Variants in ZNF536 observed in about 807,000 individuals in gnomAD.
ZNF536 encodes zinc finger protein 536.
Under a neutral mutation model 84.5 loss-of-function variants are expected in ZNF536, and 13 were observed. The observed-to-expected ratio is 0.15, with a 90% CI of 0.10 to 0.24. The LOEUF (loss-of-function observed/expected upper bound fraction) is 0.24, where lower values mean the gene tolerates loss of function less well. ZNF536 is among the 10% of genes least tolerant of loss of function. The probability of loss-of-function intolerance (pLI) is 1.00; values close to 1 mark genes in which losing one functional copy is unlikely to be tolerated. For synonymous variants in ZNF536, 811 were observed against 742.5 expected, an observed-to-expected ratio of 1.09 and a Z score of -1.50; for missense variants, 1,536 against 1,747.5, an observed-to-expected ratio of 0.88 and a Z score of 2.16.
chr19:30,483,845 G>C (rs2054187128), intron 2 of ZNF536, among the ~76,000 whole-genome samples: 1 of 152,124 alleles, frequency 6.6e-6, no homozygotes, highest in African/African-American at 2.4e-5. Flanking sequence ...CACCTCTGCA[G>C]CTGTGCCTCT....
intron 1 of ZNF536, among the ~76,000 whole-genome samples, chr19:30,598,963 CCTTCCCT>C (rs2047565789): frequency 1.7e-5 from 1 of 57,844 alleles, no homozygotes; most frequent in Non-Finnish European, 4.9e-5. Flanking sequence ...CTTCCTTCCT[CCTTCCCT>C]CCTTCCCTCC....
chr19:30,662,398 T>C (rs1413444611), intron 1 of ZNF536, among the ~76,000 whole-genome samples: 4 of 152,228 alleles, frequency 2.6e-5, no homozygotes, highest in Non-Finnish European at 5.9e-5. Context: ...GATCTCATTA[T>C]GTTACATTGT....
At chr19:30,293,891 A>G (rs1018895208) in intron 2 of ZNF536, among the ~76,000 whole-genome samples, 3 of 152,218 alleles carry the variant, frequency 2.0e-5, no homozygotes, top group Admixed American at 1.3e-4. Context: ...GAGAAGAGGC[A>G]GGAGAAGTAT....
chr19:30,446,248 CAAAAAAAAAAAA>C (rs1177505634), intron 2 of ZNF536, among the ~76,000 whole-genome samples: 6 of 29,178 alleles, frequency 2.1e-4, no homozygotes, highest in Non-Finnish European at 2.8e-4. Flanking sequence ...GACACTGTCT[CAAAAAAAAAAAA>C]AAAAAAAAAA....
intron 1 of ZNF536, among the ~76,000 whole-genome samples, chr19:30,403,086 G>A (rs115286249): frequency 8.8e-4 from 134 of 152,116 alleles, no homozygotes; most frequent in African/African-American, 2.9e-3. Context: ...GATGCTTTGC[G>A]GAGGAGAACA....
chr19:30,287,497 A>G (rs1488629512), intron 2 of ZNF536, among the ~76,000 whole-genome samples: 3 of 135,652 alleles, frequency 2.2e-5, no homozygotes, highest in South Asian at 2.5e-4. Context: ...TGGATGGATG[A>G]ATAGATGGGT....
exon 2 of ZNF536, chr19:30,711,572 C>G (rs556064147): frequency 1.3e-5 from 2 of 152,192 alleles, no homozygotes; most frequent in Non-Finnish European, 2.9e-5. Context: ...AAACCTTAGA[C>G]GGCCCGCAGC....
chr19:30,287,695 T>A (rs1351035270), intron 2 of ZNF536, among the ~76,000 whole-genome samples: 1 of 140,786 alleles, frequency 7.1e-6, no homozygotes, highest in Non-Finnish European at 1.5e-5. Context: ...GATGGATGGA[T>A]GGATGGATGG....
At chr19:30,456,720 G>A (rs2052864360) in intron 2 of ZNF536, among the ~76,000 whole-genome samples, 2 of 152,216 alleles carry the variant, frequency 1.3e-5, no homozygotes, top group South Asian at 4.2e-4. Context: ...TCTGAACACT[G>A]AGCAAGGCAT....
At chr19:30,271,286 G>GTTTT (rs1297604816) in intron 1 of ZNF536, among the ~76,000 whole-genome samples, 8 of 83,802 alleles carry the variant, frequency 9.5e-5, no homozygotes, top group African/African-American at 4.7e-4. Flanking sequence ...CTTTCCCTGT[G>GTTTT]TTTTTTTCTT....
chr19:30,483,869 C>G (rs958898291), intron 2 of ZNF536, among the ~76,000 whole-genome samples: 1 of 152,108 alleles, frequency 6.6e-6, no homozygotes, highest in Non-Finnish European at 1.5e-5. Context: ...TCCCCACAGT[C>G]TTTGTTCTGG....
intron 1 of ZNF536, among the ~76,000 whole-genome samples, chr19:30,570,376 G>A (rs760253280): frequency 8.5e-5 from 13 of 152,198 alleles, no homozygotes; most frequent in African/African-American, 1.2e-4. Context: ...AAACTGGCAC[G>A]TGGGGTACGG....
At chr19:30,264,575 T>G (rs2025400947) in intron 1 of ZNF536, among the ~76,000 whole-genome samples, 1 of 152,116 alleles carries the variant, frequency 6.6e-6, no homozygotes, top group South Asian at 2.1e-4. Flanking sequence ...AAGGGGTGAA[T>G]GGTAATTTGC....
chr19:30,408,218 C>T (rs897381412), intron 1 of ZNF536, among the ~76,000 whole-genome samples: 1 of 152,154 alleles, frequency 6.6e-6, no homozygotes, highest in South Asian at 2.1e-4. Flanking sequence ...TGATTGAATC[C>T]AGGCCATTAT....
At chr19:30,531,852 T>C (rs1447407847) in intron 2 of ZNF536, among the ~76,000 whole-genome samples, 1 of 151,976 alleles carries the variant, frequency 6.6e-6, no homozygotes, top group Non-Finnish European at 1.5e-5. Flanking sequence ...CTGGAACTCC[T>C]GACCTCAAGT....
At chr19:30,659,979 GTGTT>G (rs1386522492) in intron 1 of ZNF536, among the ~76,000 whole-genome samples, 25 of 144,722 alleles carry the variant, frequency 1.7e-4, no homozygotes, top group African/African-American at 5.8e-4. Flanking sequence ...GTGTGTGTGT[GTGTT>G]TGTATGTGTT....
chr19:30,460,118 A>T (rs1330306160), intron 2 of ZNF536, among the ~76,000 whole-genome samples: 1 of 152,246 alleles, frequency 6.6e-6, no homozygotes, highest in African/African-American at 2.4e-5. Flanking sequence ...GAGGTCTAGC[A>T]ATGATCTTCT....
intron 1 of ZNF536, among the ~76,000 whole-genome samples, chr19:30,388,520 C>A (rs1414387419): frequency 6.6e-6 from 1 of 152,120 alleles, no homozygotes; most frequent in African/African-American, 2.4e-5. Context: ...GGTGGCCATG[C>A]CCGGGGCTTG....
chr19:30,397,440 G>A (rs959142153), intron 1 of ZNF536, among the ~76,000 whole-genome samples: 2 of 152,212 alleles, frequency 1.3e-5, no homozygotes, highest in Admixed American at 1.3e-4. Flanking sequence ...TTAGTTTCCT[G>A]GCTGTGATGC....
Sources: gnomAD v4.1 joint callset for allele counts (sites outside exome capture counted in the v4.1 genomes callset) on GRCh38, gnomAD v4.1.1 for gene constraint, MANE v1.5 for transcripts, NCBI Gene and HGNC (gene_info 2026-07-23, HGNC 2026-07-21) for gene names.